Variants in NEO1 observed in about 807,000 individuals in gnomAD.
NEO1 encodes neogenin.
A neutral mutation model predicts 159.7 loss-of-function variants in NEO1; 63 were observed. The observed-to-expected ratio is 0.39, with a 90% CI of 0.32 to 0.49. NEO1 has a LOEUF of 0.49. NEO1 is among the 20% of genes least tolerant of loss of function. The pLI, the probability that NEO1 is intolerant of heterozygous loss-of-function variation, is 0.85. For missense variants in NEO1, 1,615 were observed against 1,831.0 expected (o/e 0.88, Z 2.15); for synonymous variants, 633 against 662.0 (o/e 0.96, Z 0.67).
At chr15:73,198,314 T>C (rs2036656455) in intron 7 of NEO1, among the ~76,000 whole-genome samples, 2 of 152,198 alleles carry the variant, frequency 1.3e-5, no homozygotes, top group Admixed American at 6.5e-5. Flanking sequence ...AATTTCTACT[T>C]TCTTGGATTC....
At chr15:73,245,078 T>C (rs1477717394) in intron 9 of NEO1, among the ~76,000 whole-genome samples, 2 of 151,862 alleles carry the variant, frequency 1.3e-5, no homozygotes, top group Non-Finnish European at 2.9e-5. Flanking sequence ...AGATGCCTTC[T>C]AGAATCTTTC....
chr15:73,095,751 C>A (rs866964127), intron 1 of NEO1, among the ~76,000 whole-genome samples: 146 of 151,522 alleles, frequency 9.6e-4, no homozygotes, highest in African/African-American at 3.5e-3. Context: ...ATTATTGAAG[C>A]CTAAATGTCC....
intron 7 of NEO1, among the ~76,000 whole-genome samples, chr15:73,228,459 G>A (rs1197991399): frequency 6.8e-6 from 1 of 146,196 alleles, no homozygotes; most frequent in East Asian, 2.0e-4. Context: ...TGTATTTTGG[G>A]TATAAGTTTT....
At chr15:73,082,160 C>T (rs1047079374) in intron 1 of NEO1, among the ~76,000 whole-genome samples, 2 of 152,046 alleles carry the variant, frequency 1.3e-5, no homozygotes, top group Non-Finnish European at 2.9e-5. Context: ...AGGCATGAGC[C>T]GCCACGCCCA....
intron 8 of NEO1, among the ~76,000 whole-genome samples, chr15:73,236,875 C>T (rs979219862): frequency 2.6e-5 from 4 of 152,118 alleles, no homozygotes; most frequent in African/African-American, 7.2e-5. Flanking sequence ...GTGTGGGCTG[C>T]GGAGCTCCAG....
intron 1 of NEO1, among the ~76,000 whole-genome samples, chr15:73,103,138 G>T (rs1469810393): frequency 2.6e-5 from 4 of 152,084 alleles, no homozygotes; most frequent in Non-Finnish European, 4.4e-5. Context: ...TTTCAACTGA[G>T]ATTACCACAG....
At chr15:73,126,599 T>A in intron 4 of NEO1, 29 bp downstream of exon 4, 1 of 1,601,662 alleles carries the variant, frequency 6.2e-7, no homozygotes, top group Non-Finnish European at 8.5e-7. Flanking sequence ...AAAGCCTTCT[T>A]CAGCCTTAGC....
intron 7 of NEO1, among the ~76,000 whole-genome samples, chr15:73,205,652 A>G (rs2037168654): frequency 6.6e-6 from 1 of 152,076 alleles, no homozygotes; most frequent in South Asian, 2.1e-4. Context: ...CTACCAGTTT[A>G]TGTCTCCCAT....
intron 5 of NEO1, among the ~76,000 whole-genome samples, chr15:73,166,621 A>G (rs1261144604): frequency 1.3e-5 from 2 of 152,168 alleles, no homozygotes; most frequent in Non-Finnish European, 2.9e-5. Context: ...AGGGCGGGAG[A>G]TCTTGAAGTG....
intron 1 of NEO1, among the ~76,000 whole-genome samples, chr15:73,078,885 T>A (rs2068904852): frequency 6.6e-6 from 1 of 152,222 alleles, no homozygotes; most frequent in Non-Finnish European, 1.5e-5. Flanking sequence ...ATTTAATCTG[T>A]GGTTATATAC....
In NEO1 at chr15:73,253,286, A is replaced by T. The variant is rs2040173109; in HGVS notation, c.1895-114A>T. On this transcript the variant is annotated intron_variant, in intron 11 of 28. Coordinates refer to ENST00000261908, the MANE Select transcript of NEO1 (RefSeq NM_002499.4). ...ATTGGCAGCTAGTTTAGATCTGGTC[A>T]CGTAATCAGTGTTTGAGATGTGCAT... 7.5e-6 allele frequency: 4 copies of T among 534,248 alleles called. No individual in the cohort carries two copies. In the South Asian group the frequency reaches 1.5e-4, roughly 20 times the overall value. The allele number at this position is 534,248 out of a possible 1,614,324, so 33.1% of individuals were successfully genotyped here. A position where few individuals can be genotyped will look rare whatever the true frequency, so the allele number is the denominator to read the frequency against.
At chr15:73,057,029 A>G (rs1036949880) in intron 1 of NEO1, among the ~76,000 whole-genome samples, 10 of 152,282 alleles carry the variant, frequency 6.6e-5, no homozygotes, top group Non-Finnish European at 8.8e-5. Context: ...GGCAGAGGAT[A>G]TGGGGTATGA....
rs866783974 is a variant in NEO1 at position 73,052,689 on chromosome 15, G to C, written c.14G>C (p.Arg5Pro). 4 of 1,355,546 alleles carry C rather than the reference G, an allele frequency of 3.0e-6. No individual in the cohort carries two copies. The highest frequency in any genetic ancestry group is 5.6e-5 in the Admixed American group (2 of 35,830). The allele number at this position is 1,355,546 out of a possible 1,614,324, so 84.0% of individuals were successfully genotyped here. ...CTCGGGGAAGAGATGGCGGCGGAGC[G>C]GGGAGCCCGGCGACTCCTCAGCACC... The part of the protein sequence containing the change: MAAE[R>P]GARRLLSTPS... Residue 5 changes from arginine (R) to proline (P), a missense_variant, in exon 1 of 29, where the codon CGG becomes CCG. Around this residue, in one of 3 missense-constraint regions of NEO1, gnomAD observed 1,018 missense variants for 1,115.4 expected, o/e 0.91. Transcript: ENST00000261908.
At chr15:73,161,062 G>A (rs1365602506) in intron 5 of NEO1, among the ~76,000 whole-genome samples, 2 of 152,112 alleles carry the variant, frequency 1.3e-5, no homozygotes, top group African/African-American at 4.8e-5. Context: ...AGATTTAGGG[G>A]CTCTGTGTCA....
intron 11 of NEO1, among the ~76,000 whole-genome samples, chr15:73,252,259 G>C (rs1299027095): frequency 3.3e-5 from 5 of 152,180 alleles, no homozygotes; most frequent in Non-Finnish European, 7.3e-5. Context: ...TAGGAGAGAA[G>C]GGCTAAAGTC....
intron 1 of NEO1, among the ~76,000 whole-genome samples, chr15:73,070,934 C>T (rs2068500381): frequency 6.6e-6 from 1 of 152,136 alleles, no homozygotes; most frequent in African/African-American, 2.4e-5. Context: ...GGCTGGTTGC[C>T]TTAGCCATTG....
At chr15:73,129,545 C>G (rs1308806020) in intron 4 of NEO1, among the ~76,000 whole-genome samples, 2 of 152,026 alleles carry the variant, frequency 1.3e-5, no homozygotes, top group Non-Finnish European at 2.9e-5. Flanking sequence ...CAAATTTGTT[C>G]AGATTTACAA....
chr15:73,075,143 C>T (rs2068708483), intron 1 of NEO1, among the ~76,000 whole-genome samples: 1 of 152,090 alleles, frequency 6.6e-6, no homozygotes, highest in African/African-American at 2.4e-5. Context: ...TGCTTTAGAC[C>T]ATACAAAGAA....
At chr15:73,082,135 G>A (rs1227504210) in intron 1 of NEO1, among the ~76,000 whole-genome samples, 2 of 134,502 alleles carry the variant, frequency 1.5e-5, no homozygotes, top group Non-Finnish European at 3.5e-5. Context: ...CGGCCTCCCA[G>A]AGTGCTGGGA....
Sources: gnomAD v4.1 joint callset for allele counts (sites outside exome capture counted in the v4.1 genomes callset) on GRCh38, gnomAD v4.1.1 for gene constraint, gnomAD v4.1.1 regional missense constraint, MANE v1.5 for transcripts, NCBI Gene and HGNC (gene_info 2026-07-23, HGNC 2026-07-21) for gene names.